Variants in REPS1 observed in about 807,000 individuals in gnomAD.
The protein encoded by REPS1 is RALBP1 associated Eps domain containing 1.
REPS1 carries 39 observed loss-of-function variants against 100.9 expected under a neutral mutation model. The observed-to-expected ratio is 0.39, with a 90% CI of 0.30 to 0.50. The LOEUF is 0.50. Among genes scored for constraint, REPS1 ranks in the 20% least tolerant of loss-of-function variants. REPS1 has a pLI of 0.86. For missense variants in REPS1, 821 were observed against 968.5 expected (o/e 0.85, Z 2.02); for synonymous variants, 324 against 340.3 (o/e 0.95, Z 0.53).
At chr6:138,928,508 T>A (rs1781283379) in intron 9 of REPS1, 1 of 152,166 alleles carries the variant, frequency 6.6e-6, no homozygotes, top group Admixed American at 6.5e-5. Flanking sequence ...AAAAAAATTA[T>A]GACATTCATG....
At chr6:138,942,336 T>G (rs1028498007) in intron 7 of REPS1, among the ~76,000 whole-genome samples, 3 of 152,224 alleles carry the variant, frequency 2.0e-5, no homozygotes, top group Non-Finnish European at 4.4e-5. Context: ...CTACCTACCT[T>G]GTACTACAGC....
rs2128422442 is a variant in REPS1, at chr6:138,907,490, A to G, written c.2322+5T>C. 3 of 1,596,250 alleles carry G rather than the reference A, an allele frequency of 1.9e-6. No individual in the cohort carries two copies. In the East Asian group the frequency reaches 6.7e-5, roughly 36 times the overall value. ...AACATTATAAAGATTCAGAAACTAT[A>G]TTACCTTTAATTGTTGCTGCAATTC... On this transcript the variant is annotated splice_donor_5th_base_variant and intron_variant, in intron 19 of 19. Transcript: ENST00000450536.
chr6:138,920,145 C>T (rs1780655189), intron 12 of REPS1, 70 bp downstream of exon 12: 1 of 829,878 alleles, frequency 1.2e-6, no homozygotes, highest in African/African-American at 1.7e-5. Context: ...AATGCATACA[C>T]ATCTGAAATA....
intron 2 of REPS1, among the ~76,000 whole-genome samples, chr6:138,946,194 C>A (rs1782602579): frequency 6.6e-6 from 1 of 152,204 alleles, no homozygotes. Context: ...GAATATGTCA[C>A]TAAGTCTGAG....
chr6:138,908,934 T>C, intron 17 of REPS1, 118 bp from the exon 18 acceptor site: 1 of 886,592 alleles, frequency 1.1e-6, no homozygotes, highest in Non-Finnish European at 1.7e-6. Flanking sequence ...AAGTTACTTG[T>C]CCTACTTTAA....
Position 138,987,863 on chromosome 6 carries a change from G to C in REPS1, c.-181C>G. On this transcript the variant is annotated 5_prime_UTR_variant, in exon 1 of 20. Coordinates refer to ENST00000450536, the MANE Select transcript of REPS1 (RefSeq NM_001286611.2). Reference sequence around the variant, plus strand: ...ACAGGGCCCGGAGGTCGCGAGGAGGGGGCCCGGCTGCGCTCGCCGCGCCGC... The same window carrying C: ...ACAGGGCCCGGAGGTCGCGAGGAGGCGGCCCGGCTGCGCTCGCCGCGCCGC... 1 of 609,318 alleles carries C rather than the reference G, an allele frequency of 1.6e-6. No individual in the cohort carries two copies. The allele number at this position is 609,318 out of a possible 1,614,324, so 37.7% of individuals were successfully genotyped here.
chr6:138,941,196 C>T (rs1782224909), intron 8 of REPS1, 139 bp downstream of exon 8: 8 of 923,392 alleles, frequency 8.7e-6, no homozygotes, highest in Non-Finnish European at 1.3e-5. Context: ...ACATCCTATT[C>T]TGATGACAAA....
chr6:138,974,790 G>T (rs1304416065), intron 1 of REPS1, among the ~76,000 whole-genome samples: 1 of 152,154 alleles, frequency 6.6e-6, no homozygotes, highest in Non-Finnish European at 1.5e-5. Context: ...GTTCACGCCT[G>T]TAATCCTTGC....
intron 7 of REPS1, 69 bp from the exon 8 acceptor site, chr6:138,941,558 C>A: frequency 1.4e-6 from 2 of 1,430,558 alleles, no homozygotes; most frequent in Non-Finnish European, 1.9e-6. Flanking sequence ...CAAAAAGAAG[C>A]AAGAGAAATA....
chr6:138,926,148 T>C (rs934483264), intron 10 of REPS1, among the ~76,000 whole-genome samples: 14 of 152,074 alleles, frequency 9.2e-5, no homozygotes, highest in African/African-American at 2.4e-4. Context: ...ACAAAATAGA[T>C]TGTCACAAAA....
chr6:138,987,785 A>G lies in REPS1; in HGVS notation c.-103T>C. On this transcript the variant is annotated 5_prime_UTR_variant, in exon 1 of 20. Transcript: ENST00000450536. ...GCTGCGCGTGGCCCGGCCTCCTGCT[A>G]GCTTCCCGAAAACGCCGGCCCCGGC... 1 of 1,331,202 alleles carries G rather than the reference A, an allele frequency of 7.5e-7. No individual in the cohort carries two copies. The highest frequency in any genetic ancestry group is 2.3e-4 in the Middle Eastern group (1 of 4,364). 82.5% of individuals were successfully genotyped at this position (1,331,202 alleles called of 1,614,324 possible).
Position 138,942,735 on chromosome 6 carries a change from C to T in REPS1, c.980+778G>A, listed in dbSNP as rs563923515. Among the ~76,000 whole-genome samples the T allele has an allele frequency of 2.0e-5, 3 of 152,184 alleles. No individual in the cohort carries two copies. The South Asian group carries it at 6.2e-4, about 32-fold the overall frequency. ...GGAATTACAGGCGTGAACCACCACA[C>T]CCAGTTTGTGTTTTCTTTTTGCTTG... On this transcript the variant is annotated intron_variant, in intron 7 of 19. Coordinates refer to ENST00000450536, the MANE Select transcript of REPS1 (RefSeq NM_001286611.2).
chr6:138,916,263 C>T (rs1335933829), intron 13 of REPS1: 15 of 265,346 alleles, frequency 5.7e-5, no homozygotes, highest in Admixed American at 1.3e-4. Context: ...CTCTGTTGCC[C>T]AGGCTGGAGT....
At chr6:138,972,284 T>C (rs996613310) in intron 1 of REPS1, among the ~76,000 whole-genome samples, 1 of 151,850 alleles carries the variant, frequency 6.6e-6, no homozygotes, top group Non-Finnish European at 1.5e-5. Context: ...GGAAGTTACA[T>C]GATAAAAAAG....
At chr6:138,935,951 T>C (rs932367410) in intron 8 of REPS1, among the ~76,000 whole-genome samples, 3 of 150,620 alleles carry the variant, frequency 2.0e-5, no homozygotes, top group African/African-American at 4.9e-5. Flanking sequence ...AAAGCACTAA[T>C]TGAGTCAGTG....
rs1779745147 is a variant in REPS1 at position 138,907,608 on chromosome 6, G to A, written c.2217-8C>T. On this transcript the variant is annotated splice_polypyrimidine_tract_variant and splice_region_variant and intron_variant, in intron 18 of 19. Transcript: ENST00000450536. The stretch of plus-strand genomic sequence containing the variant: ...TTATCTTTCCCAACAGATCTGAGAA[G>A]ATAAAGAAGGCAAAAAAACCCATAA... The A allele has an allele frequency of 1.3e-6, 2 of 1,565,698 alleles. No individual in the cohort carries two copies. The highest frequency in any genetic ancestry group is 1.8e-6 in the Non-Finnish European group (2 of 1,137,858).
intron 8 of REPS1, among the ~76,000 whole-genome samples, chr6:138,940,561 A>G (rs984825123): frequency 1.3e-5 from 2 of 152,080 alleles, no homozygotes; most frequent in Non-Finnish European, 2.9e-5. Context: ...CCTGGCCAAC[A>G]TGGTGAAACC....
chr6:138,966,398 G>A (rs1014795664), intron 1 of REPS1, among the ~76,000 whole-genome samples: 1 of 152,142 alleles, frequency 6.6e-6, no homozygotes, highest in Non-Finnish European at 1.5e-5. Flanking sequence ...ATCACAGGGT[G>A]AGAATGACAA....
At chr6:138,938,248 G>T (rs1562535063) in intron 8 of REPS1, among the ~76,000 whole-genome samples, 1 of 152,086 alleles carries the variant, frequency 6.6e-6, no homozygotes, top group African/African-American at 2.4e-5. Context: ...ATGCATACCT[G>T]TTCAAGCAAT....
Sources: allele counts gnomAD v4.1 joint callset (sites outside exome capture counted in the v4.1 genomes callset), GRCh38; gene constraint gnomAD v4.1.1; transcripts MANE v1.5; gene names NCBI Gene and HGNC (gene_info 2026-07-23, HGNC 2026-07-21).